CCDC144A: variants seen among roughly 807,000 people sequenced by gnomAD.
CCDC144A encodes the protein coiled-coil domain-containing protein 144A.
In CCDC144A, 41 loss-of-function variants were observed where a neutral mutation model predicts 143.8. The ratio of observed to expected loss-of-function variants is 0.29; its 90% CI spans 0.22 to 0.37. The LOEUF (loss-of-function observed/expected upper bound fraction) is 0.37. Among genes scored for constraint, CCDC144A ranks in the 10% least tolerant of loss-of-function variants. CCDC144A has a pLI of 1.00. For missense variants in CCDC144A, 637 were observed against 1,488.8 expected (o/e 0.43, Z 9.41); for synonymous variants, 242 against 517.9 (o/e 0.47, Z 7.23).
intron 12 of CCDC144A, among the ~76,000 whole-genome samples, chr17:16,757,833 G>A (rs1446632944): frequency 1.3e-5 from 2 of 152,198 alleles, no homozygotes; most frequent in Admixed American, 1.3e-4. Flanking sequence ...TCCCTGGTGG[G>A]CTATTAGATG....
intron 16 of CCDC144A, 66 bp from the exon 17 acceptor site, chr17:16,773,431 G>A (rs1915898684): frequency 2.0e-6 from 3 of 1,505,768 alleles, no homozygotes; most frequent in Admixed American, 4.2e-5. Flanking sequence ...ATAGGTGAAA[G>A]AGTGAGACCC....
At chr17:16,740,738 C>T (rs1914219003) in intron 12 of CCDC144A, among the ~76,000 whole-genome samples, 1 of 152,140 alleles carries the variant, frequency 6.6e-6, no homozygotes, top group Non-Finnish European at 1.5e-5. Flanking sequence ...AGATTGAATC[C>T]TAGATTGATT....
At position 16,752,206 on chromosome 17, in the gene CCDC144A, G is replaced by A. The variant is rs78631416; in HGVS notation, c.3373-9219G>A. 7.0e-4 allele frequency among the ~76,000 whole-genome samples: 106 copies of A among 151,828 alleles called. No homozygotes were observed. The South Asian group carries it at 0.018, about 26-fold the overall frequency. On this transcript the variant is annotated intron_variant, in intron 12 of 16. Transcript: ENST00000399273. ...CAGTAGCGGCATTAGATTCTCATAG[G>A]AGCGCGAGCCGTGTTGTGAACTGTG...
At chr17:16,708,753 G>A in intron 4 of CCDC144A, 43 bp from the exon 5 acceptor site, 2 of 1,610,818 alleles carry the variant, frequency 1.2e-6, no homozygotes, top group Non-Finnish European at 1.7e-6. Context: ...AGACACCCAA[G>A]AAATAAAACA....
At chr17:16,703,720 G>T (rs1201524281) in intron 2 of CCDC144A, among the ~76,000 whole-genome samples, 1 of 152,026 alleles carries the variant, frequency 6.6e-6, no homozygotes, top group Admixed American at 6.5e-5. Flanking sequence ...AGAGAATGGC[G>T]TGAACCCGGC....
rs778053377 is a variant in CCDC144A at position 16,709,577 on chromosome 17, A to G, written c.1520A>G (p.Asn507Ser). 1.4e-5 allele frequency: 22 copies of G among 1,611,538 alleles called. No homozygotes were observed. The Admixed American group carries it at 3.5e-4, about 26-fold the overall frequency. The part of the protein sequence containing the change: ...QDMQKFKNEV[N>S]TLEEEFLALK... The stretch of plus-strand genomic sequence containing the variant: ...ATGCAAAAGTTTAAGAATGAGGTCA[A>G]CACATTAGAAGAAGAGTTCCTGGCT... The change falls in exon 5 of 17, where the codon AAC (asparagine) becomes AGC (serine). Residue 507 changes from asparagine (N) to serine (S), a missense_variant. By Grantham distance (46) the Asn-to-Ser change is conservative. Coordinates refer to ENST00000399273, the MANE Select transcript of CCDC144A (RefSeq NM_001382000.1).
chr17:16,737,652 A>C, intron 12 of CCDC144A: 1 of 1,294,524 alleles, frequency 7.7e-7, no homozygotes, highest in Non-Finnish European at 1.0e-6. Flanking sequence ...TTCAAAGAAG[A>C]AATTGGGTCA....
At chr17:16,768,327 A>G (rs1915693955) in intron 15 of CCDC144A, among the ~76,000 whole-genome samples, 1 of 152,200 alleles carries the variant, frequency 6.6e-6, no homozygotes, top group African/African-American at 2.4e-5. Context: ...AACAGGTCCT[A>G]TTAAGAATTC....
chr17:16,746,538 A>G, intron 12 of CCDC144A: 1 of 1,613,686 alleles, frequency 6.2e-7, no homozygotes, highest in Non-Finnish European at 8.5e-7. Flanking sequence ...AACTTCTTAT[A>G]TTCTGGATCT....
At chr17:16,688,113 T>C (rs968820382), upstream of CCDC144A, among the ~76,000 whole-genome samples, 1 of 151,934 alleles carries the variant, frequency 6.6e-6, no homozygotes, top group African/African-American at 2.4e-5. Flanking sequence ...CACTGACATG[T>C]ATCAATATTT....
chr17:16,775,101 C>G lies in CCDC144A; in HGVS notation c.*1468C>G, dbSNP rs1185666504. Reference sequence around the variant, plus strand: ...TGTATATGTACCACATTTTCTTTATCCAGTTTATCATTGATGGGCTTTTAG... The same window carrying G: ...TGTATATGTACCACATTTTCTTTATGCAGTTTATCATTGATGGGCTTTTAG... On this transcript the variant is annotated 3_prime_UTR_variant, in exon 17 of 17. Coordinates refer to ENST00000399273, the MANE Select transcript of CCDC144A (RefSeq NM_001382000.1). 1 of 152,064 alleles carries G rather than the reference C, an allele frequency of 6.6e-6. No homozygotes were observed. The highest frequency in any genetic ancestry group is 2.4e-5 in the African/African-American group (1 of 41,368). 9.4% of individuals were successfully genotyped at this position (152,064 alleles called of 1,614,324 possible). A position where few individuals can be genotyped will look rare whatever the true frequency, so the allele number is the denominator to read the frequency against.
chr17:16,720,162 G>C, intron 6 of CCDC144A, 36 bp from the exon 7 acceptor site: 1 of 1,497,570 alleles, frequency 6.7e-7, no homozygotes, highest in Non-Finnish European at 8.9e-7. Flanking sequence ...TTACATCTTT[G>C]CTATTTTTCT....
rs1448361446 is a variant in CCDC144A, at chr17:16,776,488, GT to G, written c.*2859del. 3.3e-5 allele frequency: 5 copies of G among 152,028 alleles called. No homozygotes were observed. The highest frequency in any genetic ancestry group is 2.0e-4 in the Admixed American group (3 of 15,270). The allele number at this position is 152,028 out of a possible 1,614,324, so 9.4% of individuals were successfully genotyped here. On this transcript the variant is annotated 3_prime_UTR_variant, in exon 17 of 17. Coordinates refer to ENST00000399273, the MANE Select transcript of CCDC144A (RefSeq NM_001382000.1). Reference sequence around the variant, plus strand: ...ATTGTGAATGGGAGTTAATTCATGAGTTTTCTCTCGGCTTGCCTGTTGTTGG... The same window carrying G: ...ATTGTGAATGGGAGTTAATTCATGAGTTTCTCTCGGCTTGCCTGTTGTTGG...
the CCDC144A span, among the ~76,000 whole-genome samples, chr17:16,668,988 A>C: frequency 3.3e-5 from 5 of 152,214 alleles, no homozygotes. Flanking sequence ...TAGGGGAAAC[A>C]AATGTTCATG....
At chr17:16,761,834 C>A (rs1915390749) in intron 13 of CCDC144A, 116 bp downstream of exon 13, 3 of 1,241,082 alleles carry the variant, frequency 2.4e-6, no homozygotes, top group Non-Finnish European at 3.3e-6. Flanking sequence ...TGGTAGACTT[C>A]TAGAAGGAAG....
the CCDC144A span, among the ~76,000 whole-genome samples, chr17:16,674,127 C>T: frequency 6.6e-6 from 1 of 151,914 alleles, no homozygotes; most frequent in Non-Finnish European, 1.5e-5. Context: ...GTGTTTCAAC[C>T]TTTTGGCTGG....
At chr17:16,691,342 A>C (rs1469150104) in intron 1 of CCDC144A, among the ~76,000 whole-genome samples, 1 of 152,170 alleles carries the variant, frequency 6.6e-6, no homozygotes, top group Non-Finnish European at 1.5e-5. Context: ...AGATCGTGGA[A>C]TGTCCCATAT....
rs553062535 is a variant in CCDC144A at position 16,696,049 on chromosome 17, C to G, written c.415+3000C>G. 2.7e-4 allele frequency among the ~76,000 whole-genome samples: 41 copies of G among 152,226 alleles called. No individual in the cohort carries two copies. The South Asian group carries it at 8.1e-3, about 30-fold the overall frequency. On this transcript the variant is annotated intron_variant, in intron 2 of 16. Transcript: ENST00000399273. Reference sequence around the variant, plus strand: ...CTTTTTTTTGAGACAAAGTCTCACTCCGTCACCCAGGCTGGAGTGCAGTGG... The same window carrying G: ...CTTTTTTTTGAGACAAAGTCTCACTGCGTCACCCAGGCTGGAGTGCAGTGG...
At position 16,690,391 on chromosome 17, in the gene CCDC144A, C is replaced by T. The variant is rs1910975727; in HGVS notation, c.-10C>T. 6.6e-7 allele frequency: 1 copy of T among 1,522,294 alleles called. No individual in the cohort carries two copies. The highest frequency in any genetic ancestry group is 2.2e-5 in the Admixed American group (1 of 45,802). 94.3% of individuals were successfully genotyped at this position (1,522,294 alleles called of 1,614,324 possible). A position where few individuals can be genotyped will look rare whatever the true frequency, so the allele number is the denominator to read the frequency against. ...TGGGAGGTTGTGGCCGAGGCAGTAG[C>T]TCGCTACTGATGGCCTCCTGGGGTG... On this transcript the variant is annotated 5_prime_UTR_variant, in exon 1 of 17. Coordinates refer to ENST00000399273, the MANE Select transcript of CCDC144A (RefSeq NM_001382000.1).
Sources: allele counts gnomAD v4.1 joint callset (sites outside exome capture counted in the v4.1 genomes callset), GRCh38; gene constraint gnomAD v4.1.1; transcripts MANE v1.5; gene names NCBI Gene and HGNC (gene_info 2026-07-23, HGNC 2026-07-21).